COL4A5: variants seen among roughly 807,000 people sequenced by gnomAD.
COL4A5 encodes the protein collagen alpha-5(IV) chain.
Under a neutral mutation model 130.2 loss-of-function variants are expected in COL4A5, and 26 were observed. The ratio of observed to expected loss-of-function variants is 0.20; its 90% CI spans 0.15 to 0.28. COL4A5 has a LOEUF of 0.28. Among genes scored for constraint, COL4A5 ranks in the 10% least tolerant of loss-of-function variants. The probability of loss-of-function intolerance (pLI) is 1.00; values close to 1 mark genes in which losing one functional copy is unlikely to be tolerated. For synonymous variants in COL4A5, 496 were observed against 439.6 expected (o/e 1.13, Z -1.60); for missense variants, 1,131 against 1,344.3 (o/e 0.84, Z 2.48).
chrX:108,470,452 A>G (rs2064755495), intron 1 of COL4A5, among the ~76,000 whole-genome samples: 1 of 112,129 alleles, frequency 8.9e-6, no homozygotes, highest in Non-Finnish European at 1.9e-5. Context: ...ACATCTTTTG[A>G]GAAGTGTCTG....
At chrX:108,679,377 G>A (rs2068377470) in intron 44 of COL4A5, among the ~76,000 whole-genome samples, 1 of 111,333 alleles carries the variant, frequency 9.0e-6, no homozygotes, top group Non-Finnish European at 1.9e-5. Flanking sequence ...CAGTCCTACT[G>A]TAAGCAAGAG....
intron 2 of COL4A5, among the ~76,000 whole-genome samples, chrX:108,546,247 T>C (rs1270041540): frequency 8.9e-6 from 1 of 112,132 alleles, no homozygotes; most frequent in Admixed American, 9.5e-5. Flanking sequence ...TGGCTGGTAC[T>C]GGTTGTTCCT....
intron 28 of COL4A5, 34 bp from the exon 29 acceptor site, chrX:108,606,708 G>A (rs1422901219): frequency 8.3e-7 from 1 of 1,208,694 alleles, no homozygotes; most frequent in Admixed American, 2.2e-5. Context: ...AGTCATGGGA[G>A]TTTTTGTTGT....
intron 1 of COL4A5, among the ~76,000 whole-genome samples, chrX:108,504,347 C>A (rs1261938831): frequency 9.0e-6 from 1 of 111,621 alleles, no homozygotes; most frequent in African/African-American, 3.2e-5. Flanking sequence ...ATGACTCAGA[C>A]CCCAAAAGCA....
At chrX:108,467,877 C>T (rs1569474090) in intron 1 of COL4A5, among the ~76,000 whole-genome samples, 1 of 111,338 alleles carries the variant, frequency 9.0e-6, no homozygotes, top group African/African-American at 3.3e-5. Context: ...AATTTATTAG[C>T]TTTAGTAGTT....
intron 2 of COL4A5, among the ~76,000 whole-genome samples, chrX:108,540,762 T>G: frequency 8.9e-6 from 1 of 112,432 alleles, no homozygotes; most frequent in Non-Finnish European, 1.9e-5. Context: ...CTATCTTACT[T>G]TTTCCACAGC....
chrX:108,578,969 T>C (rs28613895), intron 13 of COL4A5, among the ~76,000 whole-genome samples: 11,630 of 111,467 alleles, frequency 0.1, 1,299 homozygotes, highest in African/African-American at 0.34. Context: ...TAAGCCACCA[T>C]GCCTGGCCAA....
At chrX:108,662,756 T>C (rs2067989505) in intron 37 of COL4A5, among the ~76,000 whole-genome samples, 1 of 111,661 alleles carries the variant, frequency 9.0e-6, no homozygotes, top group South Asian at 3.7e-4. Flanking sequence ...ATAGAAAGAA[T>C]CAATATCATG....
At chrX:108,506,807 G>A (rs761429567) in intron 1 of COL4A5, among the ~76,000 whole-genome samples, 5 of 110,414 alleles carry the variant, frequency 4.5e-5, no homozygotes, top group Non-Finnish European at 9.5e-5. Context: ...CTGCACTGGG[G>A]CAGTCATGGC....
chrX:108,452,196 G>A (rs1359293966), intron 1 of COL4A5, among the ~76,000 whole-genome samples: 5 of 111,563 alleles, frequency 4.5e-5, no homozygotes, highest in Non-Finnish European at 7.5e-5. Flanking sequence ...CTCTGTTTTG[G>A]TACCAGTACC....
At chrX:108,636,883 G>A (rs983337454) in intron 36 of COL4A5, among the ~76,000 whole-genome samples, 3 of 108,382 alleles carry the variant, frequency 2.8e-5, no homozygotes, top group South Asian at 4.0e-4. Context: ...TAAACAAGAC[G>A]CTCTTAACCA....
At chrX:108,574,950 GCTA>G (rs995218595) in intron 9 of COL4A5, among the ~76,000 whole-genome samples, 1 of 110,735 alleles carries the variant, frequency 9.0e-6, no homozygotes, top group Non-Finnish European at 1.9e-5. Flanking sequence ...ACCACACCTG[GCTA>G]CTTTTTGAAA....
intron 36 of COL4A5, among the ~76,000 whole-genome samples, chrX:108,642,848 C>CA (rs35804797): frequency 0.019 from 641 of 34,384 alleles, 6 homozygotes; most frequent in East Asian, 0.057. Context: ...TCCCCCTCTC[C>CA]AAAAAAAAAA....
intron 36 of COL4A5, among the ~76,000 whole-genome samples, chrX:108,640,916 G>A (rs1206219084): frequency 1.8e-5 from 2 of 111,362 alleles, no homozygotes; most frequent in Non-Finnish European, 3.8e-5. Context: ...AATGAACAAA[G>A]GAATTGAATA....
intron 49 of COL4A5, among the ~76,000 whole-genome samples, chrX:108,691,945 G>C (rs1221360154): frequency 9.0e-6 from 1 of 111,557 alleles, no homozygotes; most frequent in Admixed American, 9.6e-5. Context: ...CTATTACAAA[G>C]TGGAATACCG....
rs770207828 is a variant in COL4A5 at position 108,576,013 on chromosome X, T to C, written c.609+41T>C. ...TAATTTAATTTCCCCCCCTTTCCTTTCTGACTTCTTTCAGGAATATTAATA... is the reference window on the plus strand; with the variant it reads ...TAATTTAATTTCCCCCCCTTTCCTTCCTGACTTCTTTCAGGAATATTAATA... On this transcript the variant is annotated intron_variant, in intron 10 of 52. Transcript: ENST00000328300. 5.3e-5 allele frequency: 44 copies of C among 831,131 alleles called. No individual in the cohort carries two copies. The Admixed American group carries it at 1.0e-3, about 19-fold the overall frequency. 68.5% of individuals were successfully genotyped at this position (831,131 alleles called of 1,213,427 possible).
intron 1 of COL4A5, among the ~76,000 whole-genome samples, chrX:108,529,513 A>T (rs2065358071): frequency 1.8e-5 from 2 of 111,906 alleles, no homozygotes; most frequent in African/African-American, 6.5e-5. Context: ...AACAACCAGA[A>T]AACCATTAAC....
intron 25 of COL4A5, 72 bp from the exon 26 acceptor site, chrX:108,601,321 G>T (rs1358282061): frequency 5.7e-6 from 4 of 703,430 alleles, no homozygotes; most frequent in Admixed American, 3.1e-5. Flanking sequence ...TTTCTTTTTT[G>T]TTTTTAATTA....
intron 4 of COL4A5, among the ~76,000 whole-genome samples, chrX:108,567,852 A>G (rs1323987513): frequency 8.9e-6 from 1 of 111,876 alleles, no homozygotes; most frequent in Non-Finnish European, 1.9e-5. Context: ...GGTCCCTCCC[A>G]CAACACGTGG....
Sources: gnomAD v4.1 joint callset for allele counts (sites outside exome capture counted in the v4.1 genomes callset) on GRCh38, gnomAD v4.1.1 for gene constraint, MANE v1.5 for transcripts, NCBI Gene and HGNC (gene_info 2026-07-23, HGNC 2026-07-21) for gene names.